Variants in PAFAH1B1 observed in about 807,000 individuals in gnomAD.
PAFAH1B1 encodes platelet activating factor acetylhydrolase 1b regulatory subunit 1.
PAFAH1B1 carries 2 observed loss-of-function variants against 57.5 expected under a neutral mutation model. That is an observed-to-expected ratio of 0.03 (90% CI 0.01 to 0.11). The LOEUF (loss-of-function observed/expected upper bound fraction) is 0.11, where lower values mean the gene tolerates loss of function less well. Ranked by LOEUF, PAFAH1B1 falls within the 10% of genes least tolerant of loss-of-function variation. PAFAH1B1 has a pLI of 1.00. For missense variants in PAFAH1B1, 257 were observed against 512.0 expected, an observed-to-expected ratio of 0.50 and a Z score of 4.81; for synonymous variants, 152 against 169.6, an observed-to-expected ratio of 0.90 and a Z score of 0.81.
At chr17:2,656,009 C>CG (rs2068931714) in intron 2 of PAFAH1B1, among the ~76,000 whole-genome samples, 1 of 151,974 alleles carries the variant, frequency 6.6e-6, no homozygotes, top group Non-Finnish European at 1.5e-5. Context: ...CTGCAACCTC[C>CG]GCCCCTGGGT....
intron 1 of PAFAH1B1, among the ~76,000 whole-genome samples, chr17:2,633,801 A>G (rs1388243289): frequency 6.6e-6 from 1 of 151,974 alleles, no homozygotes; most frequent in East Asian, 1.9e-4. Context: ...TTGGCTTTTG[A>G]GACATACTCT....
rs746431304 is a variant in PAFAH1B1 at position 2,683,467 on chromosome 17, A to G, written c.*1665A>G. On this transcript the variant is annotated 3_prime_UTR_variant, in exon 11 of 11. Coordinates refer to ENST00000397195, the MANE Select transcript of PAFAH1B1 (RefSeq NM_000430.4). The stretch of plus-strand genomic sequence containing the variant: ...TATTTAATGGAAAATTGGTTCCTGC[A>G]AAAGACAAAGGGTGAGAGTTAGCGT... 3.3e-5 allele frequency: 5 copies of G among 152,248 alleles called. No individual in the cohort carries two copies. Among genetic ancestry groups the G allele is most frequent in the African/African-American group, 1.2e-4 (5 of 41,458 alleles). 9.4% of individuals were successfully genotyped at this position (152,248 alleles called of 1,614,324 possible). A position where few individuals can be genotyped will look rare whatever the true frequency, so the allele number is the denominator to read the frequency against.
At chr17:2,679,732 T>C (rs1239592422) in intron 9 of PAFAH1B1, 2 of 215,642 alleles carry the variant, frequency 9.3e-6, no homozygotes, top group Non-Finnish European at 1.9e-5. Flanking sequence ...TTGGTTTTCC[T>C]TCATGTATGT....
At chr17:2,618,044 C>T (rs1037062705) in intron 1 of PAFAH1B1, among the ~76,000 whole-genome samples, 4 of 152,020 alleles carry the variant, frequency 2.6e-5, no homozygotes, top group African/African-American at 9.7e-5. Context: ...GTCATGAGCT[C>T]GAGAGCAGCC....
intron 4 of PAFAH1B1, among the ~76,000 whole-genome samples, chr17:2,666,632 T>G (rs1253368559): frequency 6.6e-6 from 1 of 152,176 alleles, no homozygotes; most frequent in Non-Finnish European, 1.5e-5. Context: ...CCATATATAA[T>G]GTGGTTTGGA....
In PAFAH1B1 at chr17:2,675,617, C is replaced by A. The variant is rs539254930; in HGVS notation, c.901-888C>A. ...AGGAGTTTGAGCAACATAGCGAGACCCCGTCTCTACAGAAAACTTTTTTTT... is the reference window on the plus strand; with the variant it reads ...AGGAGTTTGAGCAACATAGCGAGACACCGTCTCTACAGAAAACTTTTTTTT... On this transcript the variant is annotated intron_variant, in intron 8 of 10. Transcript: ENST00000397195. Among the ~76,000 whole-genome samples, 7 of 148,870 alleles carry A rather than the reference C, an allele frequency of 4.7e-5. No individual in the cohort carries two copies. The South Asian group carries it at 1.5e-3, about 32-fold the overall frequency.
intron 2 of PAFAH1B1, among the ~76,000 whole-genome samples, chr17:2,645,261 G>A (rs530150817): frequency 7.9e-5 from 12 of 151,988 alleles, no homozygotes; most frequent in Non-Finnish European, 1.5e-4. Flanking sequence ...AAAAACAAAA[G>A]TGTTCTTCAA....
chr17:2,602,161 C>A (rs1194236086), intron 1 of PAFAH1B1, among the ~76,000 whole-genome samples: 1 of 151,790 alleles, frequency 6.6e-6, no homozygotes, highest in African/African-American at 2.4e-5. Context: ...TTAATAAAAT[C>A]ATTATTCAAG....
At chr17:2,649,783 A>C (rs1337351937) in intron 2 of PAFAH1B1, among the ~76,000 whole-genome samples, 3 of 152,194 alleles carry the variant, frequency 2.0e-5, no homozygotes, top group Non-Finnish European at 4.4e-5. Flanking sequence ...AAAATAAATA[A>C]AATATTTTAA....
chr17:2,596,055 G>T (rs144984030), intron 1 of PAFAH1B1, among the ~76,000 whole-genome samples: 6 of 152,092 alleles, frequency 3.9e-5, no homozygotes, highest in African/African-American at 1.4e-4. Flanking sequence ...TTTCTCTGTC[G>T]TAAGTCTTAA....
chr17:2,665,751 A>G (rs968159456), intron 3 of PAFAH1B1, among the ~76,000 whole-genome samples: 5 of 151,958 alleles, frequency 3.3e-5, no homozygotes, highest in African/African-American at 1.2e-4. Context: ...ACAGGCACGC[A>G]CCACCACACC....
intron 1 of PAFAH1B1, among the ~76,000 whole-genome samples, chr17:2,602,782 TG>T (rs778481220): frequency 2.6e-4 from 40 of 152,350 alleles, no homozygotes; most frequent in Admixed American, 6.5e-4. Context: ...CGCCAGGCTC[TG>T]TTTTAAGTGC....
intron 9 of PAFAH1B1, among the ~76,000 whole-genome samples, chr17:2,678,990 C>G (rs1046137813): frequency 6.6e-6 from 1 of 152,166 alleles, no homozygotes; most frequent in African/African-American, 2.4e-5. Flanking sequence ...GCTAGTGAGA[C>G]TGAAGAACTG....
chr17:2,674,010 G>C (rs2069224715), intron 7 of PAFAH1B1, 50 bp from the exon 8 acceptor site: 4 of 1,292,256 alleles, frequency 3.1e-6, no homozygotes, highest in Non-Finnish European at 4.5e-6. Flanking sequence ...CTTCTGGGAA[G>C]TGTCCTGATG....
At chr17:2,643,855 C>T (rs892835186) in intron 2 of PAFAH1B1, among the ~76,000 whole-genome samples, 3 of 151,902 alleles carry the variant, frequency 2.0e-5, no homozygotes, top group Non-Finnish European at 4.4e-5. Context: ...CCACCGTGCC[C>T]GGCCCACACC....
chr17:2,603,346 C>T (rs1393138902), intron 1 of PAFAH1B1, among the ~76,000 whole-genome samples: 1 of 152,082 alleles, frequency 6.6e-6, no homozygotes, highest in Non-Finnish European at 1.5e-5. Flanking sequence ...ACAGGCCAGG[C>T]GCGGTGGCTC....
At chr17:2,658,968 T>G (rs2068976427) in intron 2 of PAFAH1B1, among the ~76,000 whole-genome samples, 2 of 152,086 alleles carry the variant, frequency 1.3e-5, no homozygotes, top group South Asian at 4.1e-4. Flanking sequence ...GTTTAGGAAG[T>G]CTTGGCTGGA....
At chr17:2,599,703 C>T (rs931189332) in intron 1 of PAFAH1B1, among the ~76,000 whole-genome samples, 4 of 151,774 alleles carry the variant, frequency 2.6e-5, no homozygotes, top group Non-Finnish European at 2.9e-5. Flanking sequence ...TCTGAGGGAA[C>T]AGGGTTACAC....
At chr17:2,632,988 T>C (rs562003759) in intron 1 of PAFAH1B1, among the ~76,000 whole-genome samples, 144 of 152,232 alleles carry the variant, frequency 9.5e-4, no homozygotes, top group Non-Finnish European at 1.7e-3. Context: ...TCTTGGGTGG[T>C]AGTTGTTATT....
Sources: gnomAD v4.1 joint callset for allele counts (sites outside exome capture counted in the v4.1 genomes callset) on GRCh38, gnomAD v4.1.1 for gene constraint, MANE v1.5 for transcripts, NCBI Gene and HGNC (gene_info 2026-07-23, HGNC 2026-07-21) for gene names.